The following AGL variants were observed in gnomAD, a reference collection of about 807,000 sequenced individuals.
The protein encoded by AGL is amylo-alpha-1,6-glucosidase and 4-alpha-glucanotransferase.
AGL carries 128 observed loss-of-function variants against 199.3 expected under a neutral mutation model. The observed-to-expected ratio is 0.64, with a 90% CI of 0.56 to 0.74. The LOEUF is 0.74. AGL is among the 30% of genes least tolerant of loss of function. AGL has a pLI of 0.00. For synonymous variants in AGL, 584 were observed against 594.7 expected (o/e 0.98, Z 0.26); for missense variants, 1,809 against 1,820.8 (o/e 0.99, Z 0.12).
intron 12 of AGL, among the ~76,000 whole-genome samples, chr1:99,878,374 AAAAT>A (rs1411584211): frequency 1.3e-5 from 2 of 152,018 alleles, no homozygotes; most frequent in Non-Finnish European, 2.9e-5. Flanking sequence ...AATTAAATAA[AAAAT>A]AAACATTAAC....
chr1:99,858,020 A>G (rs537347608), intron 2 of AGL, among the ~76,000 whole-genome samples: 5 of 152,346 alleles, frequency 3.3e-5, no homozygotes, highest in African/African-American at 9.6e-5. Flanking sequence ...TAGAGGTTGT[A>G]GGTCTGGAAG....
intron 2 of AGL, among the ~76,000 whole-genome samples, chr1:99,854,066 T>C (rs1649204168): frequency 6.6e-6 from 1 of 151,594 alleles, no homozygotes; most frequent in Admixed American, 6.6e-5. Flanking sequence ...TGGTGGCGCA[T>C]GCCTATAATC....
At chr1:99,908,812 G>T (rs1243394148) in intron 27 of AGL, among the ~76,000 whole-genome samples, 1 of 152,018 alleles carries the variant, frequency 6.6e-6, no homozygotes, top group East Asian at 1.9e-4. Context: ...TACTCTTGTG[G>T]GCTGTGGTTT....
chr1:99,914,995 G>A (rs1019678542), intron 30 of AGL, among the ~76,000 whole-genome samples: 3 of 152,056 alleles, frequency 2.0e-5, no homozygotes, highest in Admixed American at 6.6e-5. Flanking sequence ...CAGGATGATC[G>A]CTTGAGCCCA....
intron 2 of AGL, among the ~76,000 whole-genome samples, chr1:99,855,787 C>G (rs1165338388): frequency 6.6e-6 from 1 of 150,828 alleles, no homozygotes; most frequent in Non-Finnish European, 1.5e-5. Flanking sequence ...GGCAACAGAG[C>G]GAGACTCGGT....
intron 24 of AGL, among the ~76,000 whole-genome samples, chr1:99,895,439 T>C (rs1172122506): frequency 6.6e-6 from 1 of 152,202 alleles, no homozygotes; most frequent in East Asian, 1.9e-4. Flanking sequence ...TTGTACATAT[T>C]GTGTACAGAA....
intron 20 of AGL, 79 bp downstream of exon 20, chr1:99,884,782 G>C: frequency 6.5e-7 from 1 of 1,537,440 alleles, no homozygotes; most frequent in Admixed American, 1.7e-5. Context: ...AGTTTTAAGG[G>C]TCCTCTATAT....
At chr1:99,907,082 G>A (rs548085419) in intron 27 of AGL, among the ~76,000 whole-genome samples, 35 of 152,166 alleles carry the variant, frequency 2.3e-4, no homozygotes, top group Admixed American at 4.6e-4. Flanking sequence ...TCCCATTCTG[G>A]TTTTGATTTG....
chr1:99,897,793 G>A (rs1215427905), intron 25 of AGL, among the ~76,000 whole-genome samples: 1 of 152,124 alleles, frequency 6.6e-6, no homozygotes, highest in Non-Finnish European at 1.5e-5. Context: ...GTACTTGGGA[G>A]GATCAAATGA....
At position 99,864,437 on chromosome 1, in the gene AGL, C is replaced by A; in HGVS notation, c.512C>A (p.Ser171Ter). The change falls in exon 5 of 34, where the codon TCA becomes TAA. Residue 171 changes from serine to a stop codon, truncating the protein, a stop_gained. Transcript: ENST00000361915. LOFTEE classifies it high-confidence loss of function. Reference protein sequence around the residue: ...TPLQTLGLSRSCYSLANQLEL... With the variant: ...TPLQTLGLSR ...TTGCAGACTCTTGGACTATCTAGGT[C>A]ATGCTACTCCCTTGCCAATCAGTTA... 6.2e-7 allele frequency: 1 copy of A among 1,613,866 alleles called. No individual in the cohort carries two copies. Among genetic ancestry groups the A allele is most frequent in the South Asian group, 1.1e-5 (1 of 91,056 alleles).
intron 20 of AGL, among the ~76,000 whole-genome samples, chr1:99,885,744 A>G (rs991263947): frequency 6.6e-6 from 1 of 152,108 alleles, no homozygotes; most frequent in Non-Finnish European, 1.5e-5. Flanking sequence ...TCACCCCCAT[A>G]TGGGACTGTC....
chr1:99,916,184 T>A (rs1429311354), intron 31 of AGL, among the ~76,000 whole-genome samples: 2 of 152,230 alleles, frequency 1.3e-5, no homozygotes. Flanking sequence ...TTACATTTTT[T>A]ATATTAACCA....
chr1:99,889,076 C>G (rs981305983), intron 21 of AGL, among the ~76,000 whole-genome samples: 1 of 119,522 alleles, frequency 8.4e-6, no homozygotes, highest in East Asian at 3.0e-4. Flanking sequence ...AGTAAATGCT[C>G]TATGGCTTAC....
intron 10 of AGL, among the ~76,000 whole-genome samples, chr1:99,876,235 A>G (rs1570435461): frequency 6.6e-6 from 1 of 152,352 alleles, no homozygotes; most frequent in East Asian, 1.9e-4. Context: ...ACTGTTAGCC[A>G]GATATGCTGT....
chr1:99,879,584 CAAT>C (rs1254358409), intron 12 of AGL, among the ~76,000 whole-genome samples: 1 of 151,046 alleles, frequency 6.6e-6, no homozygotes, highest in Non-Finnish European at 1.5e-5. Context: ...AACTTGGTCT[CAAT>C]AAATAAATAA....
intron 30 of AGL, among the ~76,000 whole-genome samples, chr1:99,914,404 C>T (rs1471731272): frequency 6.6e-6 from 1 of 152,316 alleles, no homozygotes; most frequent in Non-Finnish European, 1.5e-5. Flanking sequence ...ATTTTAGACT[C>T]TCTGCTGTTT....
At position 99,916,631 on chromosome 1, in the gene AGL, G is replaced by A; in HGVS notation, c.4381G>A (p.Ala1461Thr). The A allele has an allele frequency of 6.2e-7, 1 of 1,613,166 alleles. No individual in the cohort carries two copies. The highest frequency in any genetic ancestry group is 1.1e-5 in the South Asian group (1 of 91,046). Residue 1461 changes from alanine (A) to threonine (T), a missense_variant, in exon 33 of 34, where the codon GCA (alanine) becomes ACA (threonine). Coordinates refer to ENST00000361915, the MANE Select transcript of AGL (RefSeq NM_000642.3). The part of the protein sequence containing the change: ...WLWPIGYFLR[A>T]KLYFSRLMGP... ...GTGGCCTATTGGGTATTTTCTTCGT[G>A]CAAAATTATATTTTTCCAGATTGAT... is the stretch of plus-strand genomic sequence containing the variant.
At chr1:99,908,250 C>A (rs1346096875) in intron 27 of AGL, among the ~76,000 whole-genome samples, 3 of 151,298 alleles carry the variant, frequency 2.0e-5, no homozygotes, top group East Asian at 3.9e-4. Flanking sequence ...TTACTCAGCT[C>A]CATTTGCCAA....
intron 7 of AGL, among the ~76,000 whole-genome samples, chr1:99,871,563 CT>C (rs920546229): frequency 2.0e-5 from 3 of 152,092 alleles, no homozygotes; most frequent in African/African-American, 7.2e-5. Flanking sequence ...TCTTAAAATA[CT>C]TTTTTTCTCT....
Sources: allele counts gnomAD v4.1 joint callset (sites outside exome capture counted in the v4.1 genomes callset), GRCh38; gene constraint gnomAD v4.1.1; transcripts MANE v1.5; gene names NCBI Gene and HGNC (gene_info 2026-07-23, HGNC 2026-07-21).